Variants in FBXO4 observed in about 807,000 individuals in gnomAD.
FBXO4 encodes the protein F-box protein 4.
Under a neutral mutation model 43.7 loss-of-function variants are expected in FBXO4, and 36 were observed. The observed-to-expected ratio is 0.82, with a 90% CI of 0.63 to 1.09. The LOEUF is 1.09. Ranked by LOEUF, FBXO4 falls within the 50% of genes least tolerant of loss-of-function variation. FBXO4 has a pLI of 0.00. For synonymous variants in FBXO4, 180 were observed against 165.6 expected (o/e 1.09, Z -0.67); for missense variants, 435 against 474.1 (o/e 0.92, Z 0.77).
At chr5:41,998,456 A>G in the FBXO4 span, among the ~76,000 whole-genome samples, 3 of 152,152 alleles carry the variant, frequency 2.0e-5, no homozygotes, top group Non-Finnish European at 2.9e-5. Context: ...CCCTTCCTCT[A>G]CATTAAACCA....
chr5:42,012,278 T>C, the FBXO4 span, among the ~76,000 whole-genome samples: 1 of 152,266 alleles, frequency 6.6e-6, no homozygotes, highest in African/African-American at 2.4e-5. Context: ...AAACCCTAGT[T>C]CTGTAGATGT....
At chr5:41,927,381 T>A in intron 2 of FBXO4, 133 bp downstream of exon 2, 1 of 646,260 alleles carries the variant, frequency 1.5e-6, no homozygotes, top group Non-Finnish European at 2.6e-6. Context: ...TCGTCAAAAC[T>A]GGGAGTTAAA....
chr5:41,999,955 T>C, the FBXO4 span, among the ~76,000 whole-genome samples: 1 of 151,960 alleles, frequency 6.6e-6, no homozygotes, highest in African/African-American at 2.4e-5. Context: ...TTAACCATCA[T>C]AGTACCCAAC....
At chr5:42,040,375 CACTT>C in the FBXO4 span, among the ~76,000 whole-genome samples, 1 of 152,082 alleles carries the variant, frequency 6.6e-6, no homozygotes, top group African/African-American at 2.4e-5. Flanking sequence ...AAGTAATAAA[CACTT>C]AATATGTATT....
At chr5:41,946,202 C>T (rs928525216), downstream of FBXO4, among the ~76,000 whole-genome samples, 2 of 152,148 alleles carry the variant, frequency 1.3e-5, no homozygotes. Flanking sequence ...TATTATTTCC[C>T]GACCTGCCGA....
the FBXO4 span, among the ~76,000 whole-genome samples, chr5:42,019,342 C>G: frequency 3.3e-5 from 5 of 151,952 alleles, no homozygotes; most frequent in Admixed American, 6.6e-5. Context: ...ATAAGTTAGA[C>G]GCTCAAATTA....
chr5:42,014,018 C>A, the FBXO4 span, among the ~76,000 whole-genome samples: 1 of 152,158 alleles, frequency 6.6e-6, no homozygotes, highest in Non-Finnish European at 1.5e-5. Flanking sequence ...CAACCACATG[C>A]AATTGCAAGA....
intron 5 of FBXO4, chr5:41,934,990 A>T: frequency 1.0e-6 from 1 of 984,664 alleles, no homozygotes; most frequent in Non-Finnish European, 1.2e-6. Context: ...ATTTCTATTC[A>T]ATTTATTTTC....
At chr5:42,010,252 C>A in the FBXO4 span, among the ~76,000 whole-genome samples, 1 of 152,092 alleles carries the variant, frequency 6.6e-6, no homozygotes, top group African/African-American at 2.4e-5. Context: ...GTAATCCCAG[C>A]ACTTTGGGAG....
the FBXO4 span, among the ~76,000 whole-genome samples, chr5:41,992,552 G>T: frequency 1.3e-5 from 2 of 152,158 alleles, 1 homozygote; most frequent in South Asian, 4.1e-4. Flanking sequence ...TATTGTGGAA[G>T]GCAAATGGTA....
chr5:41,933,802 C>G, intron 3 of FBXO4, 144 bp from the exon 4 acceptor site: 1 of 620,502 alleles, frequency 1.6e-6, no homozygotes, highest in Non-Finnish European at 2.8e-6. Context: ...TTTTCTTCAA[C>G]GTATACATTT....
the FBXO4 span, among the ~76,000 whole-genome samples, chr5:42,009,105 G>A: frequency 6.6e-6 from 1 of 152,134 alleles, no homozygotes; most frequent in African/African-American, 2.4e-5. Context: ...AATGAGAAGG[G>A]CAACAGAGGC....
intron 5 of FBXO4, among the ~76,000 whole-genome samples, chr5:41,937,168 G>T (rs1429315687): frequency 6.6e-6 from 1 of 152,108 alleles, no homozygotes; most frequent in African/African-American, 2.4e-5. Context: ...ACCACAGATT[G>T]AAGATGCTCA....
the FBXO4 span, among the ~76,000 whole-genome samples, chr5:41,953,127 C>A: frequency 6.6e-6 from 1 of 151,922 alleles, no homozygotes; most frequent in Non-Finnish European, 1.5e-5. Flanking sequence ...GGTATATCTC[C>A]TAATGCTATC....
chr5:42,036,616 G>A, the FBXO4 span, among the ~76,000 whole-genome samples: 1 of 152,076 alleles, frequency 6.6e-6, no homozygotes, highest in Non-Finnish European at 1.5e-5. Flanking sequence ...TTATCTTGGG[G>A]AATTAAAGTT....
the FBXO4 span, among the ~76,000 whole-genome samples, chr5:41,970,178 A>G: frequency 6.6e-6 from 1 of 152,110 alleles, no homozygotes. Context: ...TAGCACTTAT[A>G]GATGCCTAAT....
the FBXO4 span, among the ~76,000 whole-genome samples, chr5:42,030,409 G>C: frequency 6.3e-3 from 964 of 152,042 alleles, 5 homozygotes; most frequent in Non-Finnish European, 0.012. Context: ...GCCATATGTA[G>C]AAAGCTGAAA....
intron 2 of FBXO4, among the ~76,000 whole-genome samples, chr5:41,929,160 T>C (rs1751600328): frequency 6.6e-6 from 1 of 152,244 alleles, no homozygotes; most frequent in Non-Finnish European, 1.5e-5. Context: ...GTAGCTTATC[T>C]TTAGTGCTGA....
chr5:42,007,239 TA>T, the FBXO4 span, among the ~76,000 whole-genome samples: 2 of 151,670 alleles, frequency 1.3e-5, no homozygotes, highest in African/African-American at 4.8e-5. Flanking sequence ...GCCCTGTCTC[TA>T]AAAAAATAGT....
Sources: allele counts gnomAD v4.1 joint callset (sites outside exome capture counted in the v4.1 genomes callset), GRCh38; gene constraint gnomAD v4.1.1; transcripts MANE v1.5; gene names NCBI Gene and HGNC (gene_info 2026-07-23, HGNC 2026-07-21).